ELP4: variants seen among roughly 807,000 people sequenced by gnomAD.
The protein encoded by ELP4 is elongator complex protein 4.
In ELP4, 51 loss-of-function variants were observed where a neutral mutation model predicts 48.9. The ratio of observed to expected loss-of-function variants is 1.04; its 90% CI spans 0.83 to 1.32. The LOEUF is 1.32. ELP4 is among the 40% of genes most tolerant of loss of function. The pLI is 0.00. For synonymous variants in ELP4, 210 were observed against 189.2 expected, an observed-to-expected ratio of 1.11 and a Z score of -0.90; for missense variants, 519 against 514.6, an observed-to-expected ratio of 1.01 and a Z score of -0.08.
At chr11:31,687,076 C>G (rs1338272885) in intron 9 of ELP4, among the ~76,000 whole-genome samples, 2 of 152,076 alleles carry the variant, frequency 1.3e-5, no homozygotes, top group Non-Finnish European at 2.9e-5. Context: ...AAGGAGGAGT[C>G]TAAACTTGCT....
At chr11:31,626,332 A>T (rs1319253783) in intron 5 of ELP4, among the ~76,000 whole-genome samples, 1 of 151,938 alleles carries the variant, frequency 6.6e-6, no homozygotes, top group Non-Finnish European at 1.5e-5. Flanking sequence ...TTCAATGTCT[A>T]TGGGATTGCT....
At chr11:31,706,388 T>C (rs1028290362) in intron 9 of ELP4, among the ~76,000 whole-genome samples, 25 of 151,708 alleles carry the variant, frequency 1.6e-4, no homozygotes, top group African/African-American at 5.1e-4. Flanking sequence ...CCAACACTTT[T>C]GAGAGGCCAA....
At position 31,624,249 on chromosome 11, in the gene ELP4, A is replaced by G. The variant is rs117474757; in HGVS notation, c.654-2861A>G. 8.3e-3 allele frequency among the ~76,000 whole-genome samples: 1,267 copies of G among 151,924 alleles called. 9 individuals are homozygous for G. The highest frequency in any genetic ancestry group is 0.013 in the Non-Finnish European group (886 of 67,794). ...AATGGAAATACATTCTGAGAAATACATTATTGGACAATTTCATCGAGTGTA... is the reference window on the plus strand; with the variant it reads ...AATGGAAATACATTCTGAGAAATACGTTATTGGACAATTTCATCGAGTGTA... On this transcript the variant is annotated intron_variant, in intron 5 of 9. Coordinates refer to ENST00000640961, the MANE Select transcript of ELP4 (RefSeq NM_019040.5).
intron 9 of ELP4, among the ~76,000 whole-genome samples, chr11:31,657,293 C>T (rs1301611014): frequency 6.6e-6 from 1 of 151,984 alleles, no homozygotes; most frequent in African/African-American, 2.4e-5. Context: ...AATTAACTAC[C>T]TCAACCTCCT....
intron 9 of ELP4, among the ~76,000 whole-genome samples, chr11:31,746,330 T>C (rs1407939621): frequency 7.9e-5 from 12 of 152,318 alleles, no homozygotes; most frequent in South Asian, 6.2e-4. Flanking sequence ...GTCAGTGTGG[T>C]GATTCCTCAC....
intron 7 of ELP4, among the ~76,000 whole-genome samples, chr11:31,640,609 G>C (rs1193682970): frequency 1.3e-5 from 2 of 151,918 alleles, no homozygotes; most frequent in Non-Finnish European, 2.9e-5. Flanking sequence ...GGGAAGGACA[G>C]GGGAGAGATT....
At chr11:31,754,685 A>G (rs1293180673) in intron 9 of ELP4, among the ~76,000 whole-genome samples, 2 of 152,176 alleles carry the variant, frequency 1.3e-5, no homozygotes, top group African/African-American at 2.4e-5. Flanking sequence ...AGCCCAGCCA[A>G]CATGGTGAAA....
At chr11:31,649,139 A>G (rs1945268209) in intron 8 of ELP4, 1 of 151,696 alleles carries the variant, frequency 6.6e-6, no homozygotes, top group African/African-American at 2.4e-5. Flanking sequence ...CCATTTCTAA[A>G]GCTAAGTACC....
rs753050296 is a variant in ELP4 at position 31,650,098 on chromosome 11, A to T, written c.1037-17A>T. 1.8e-6 allele frequency: 2 copies of T among 1,093,884 alleles called. No individual in the cohort carries two copies. Among genetic ancestry groups the T allele is most frequent in the Non-Finnish European group, 2.7e-6 (2 of 728,990 alleles). The allele number at this position is 1,093,884 out of a possible 1,614,324, so 67.8% of individuals were successfully genotyped here. On this transcript the variant is annotated splice_polypyrimidine_tract_variant and intron_variant, in intron 8 of 9. Coordinates refer to ENST00000640961, the MANE Select transcript of ELP4 (RefSeq NM_019040.5). ...CAATGTTTTAAATTTTTTTTCTTTT[A>T]ATTTCTTTTCCACAAGGATTGATTC...
intron 7 of ELP4, chr11:31,634,157 C>T (rs1290950996): frequency 1.3e-5 from 2 of 152,156 alleles, no homozygotes; most frequent in African/African-American, 4.8e-5. Context: ...CCCTCTGTCA[C>T]ACTATATCCT....
Position 31,559,624 on chromosome 11 carries a change from C to G in ELP4, c.381+19841C>G, listed in dbSNP as rs377084055. Among the ~76,000 whole-genome samples, 4 of 152,244 alleles carry G rather than the reference C, an allele frequency of 2.6e-5. No individual in the cohort carries two copies. The South Asian group carries it at 8.3e-4, about 32-fold the overall frequency. On this transcript the variant is annotated intron_variant, in intron 3 of 9. Coordinates refer to ENST00000640961, the MANE Select transcript of ELP4 (RefSeq NM_019040.5). ...GAGTATAAAGAAAATCAGTTTTGGGCCGGGAGCGGCGGCTCACCCCTGTAA... is the reference window on the plus strand; with the variant it reads ...GAGTATAAAGAAAATCAGTTTTGGGGCGGGAGCGGCGGCTCACCCCTGTAA...
chr11:31,700,835 G>C (rs1366065151), intron 9 of ELP4, among the ~76,000 whole-genome samples: 1 of 152,022 alleles, frequency 6.6e-6, no homozygotes, highest in Non-Finnish European at 1.5e-5. Context: ...GTTCTCATTG[G>C]TATGCAATGA....
At chr11:31,679,292 A>G (rs998794087) in intron 9 of ELP4, among the ~76,000 whole-genome samples, 2 of 152,192 alleles carry the variant, frequency 1.3e-5, no homozygotes, top group African/African-American at 4.8e-5. Context: ...ACATGTCTTG[A>G]TTATGGTAGC....
chr11:31,764,465 T>C (rs1217155128), intron 9 of ELP4, among the ~76,000 whole-genome samples: 2 of 152,196 alleles, frequency 1.3e-5, no homozygotes, highest in African/African-American at 4.8e-5. Flanking sequence ...CAGTGCTCAT[T>C]TGTCTCAGGG....
chr11:31,774,232 C>T (rs114829464), intron 9 of ELP4, among the ~76,000 whole-genome samples: 2,965 of 152,266 alleles, frequency 0.019, 115 homozygotes, highest in African/African-American at 0.067. Context: ...CTCACTCTTT[C>T]GTCTTATCAG....
chr11:31,704,417 C>T (rs1437380048), intron 9 of ELP4, among the ~76,000 whole-genome samples: 2 of 151,732 alleles, frequency 1.3e-5, no homozygotes, highest in African/African-American at 4.8e-5. Context: ...TGTTCTCACT[C>T]GTAGGTGGGA....
chr11:31,579,499 G>A (rs1023265110), intron 3 of ELP4, among the ~76,000 whole-genome samples: 22 of 152,008 alleles, frequency 1.4e-4, no homozygotes, highest in East Asian at 1.2e-3. Context: ...TGTTTATTGC[G>A]GCACTTTTCG....
intron 3 of ELP4, among the ~76,000 whole-genome samples, chr11:31,594,234 A>T (rs988699783): frequency 3.3e-5 from 5 of 152,190 alleles, no homozygotes; most frequent in Non-Finnish European, 5.9e-5. Context: ...ATCAGAGATT[A>T]TTGTTAAAGA....
intron 6 of ELP4, among the ~76,000 whole-genome samples, chr11:31,627,679 G>T (rs541341441): frequency 6.6e-5 from 10 of 151,870 alleles, no homozygotes; most frequent in Non-Finnish European, 2.9e-5. Context: ...CGATTTCTCT[G>T]TAGCTCTAAT....
Sources: gnomAD v4.1 joint callset for allele counts (sites outside exome capture counted in the v4.1 genomes callset) on GRCh38, gnomAD v4.1.1 for gene constraint, MANE v1.5 for transcripts, NCBI Gene and HGNC (gene_info 2026-07-23, HGNC 2026-07-21) for gene names.